Variants in PRKG1 observed in about 807,000 individuals in gnomAD.
PRKG1 encodes the protein cGMP-dependent protein kinase 1.
PRKG1 carries 35 observed loss-of-function variants against 88.1 expected under a neutral mutation model. That is an observed-to-expected ratio of 0.40 (90% CI 0.30 to 0.53). PRKG1 has a LOEUF of 0.53. Among genes scored for constraint, PRKG1 ranks in the 20% least tolerant of loss-of-function variants. The probability of loss-of-function intolerance (pLI) is 0.59; values close to 1 mark genes in which losing one functional copy is unlikely to be tolerated. For missense variants in PRKG1, 540 were observed against 839.8 expected (o/e 0.64, Z 4.41); for synonymous variants, 303 against 292.5 (o/e 1.04, Z -0.37).
chr10:51,503,686 C>G (rs1480952889), intron 3 of PRKG1, among the ~76,000 whole-genome samples: 1 of 151,398 alleles, frequency 6.6e-6, no homozygotes, highest in East Asian at 1.9e-4. Flanking sequence ...TCCTCTAATT[C>G]TTTAACCTCT....
chr10:51,110,761 G>T (rs1844963159), intron 1 of PRKG1, among the ~76,000 whole-genome samples: 1 of 151,994 alleles, frequency 6.6e-6, no homozygotes, highest in South Asian at 2.1e-4. Context: ...ATTAGGACTA[G>T]CTCATTCTAG....
intron 5 of PRKG1, among the ~76,000 whole-genome samples, chr10:51,934,026 T>C (rs1842751333): frequency 1.3e-5 from 2 of 152,150 alleles, no homozygotes; most frequent in Non-Finnish European, 2.9e-5. Context: ...TATAAATACA[T>C]ACATGTAAAT....
intron 1 of PRKG1, among the ~76,000 whole-genome samples, chr10:51,061,277 T>C (rs2132783501): frequency 1.3e-5 from 2 of 152,254 alleles, no homozygotes; most frequent in Middle Eastern, 6.8e-3. Flanking sequence ...GGAACTCCTC[T>C]TTCTAAAACC....
chr10:52,212,633 G>A (rs1488868927), intron 9 of PRKG1, among the ~76,000 whole-genome samples: 1 of 151,004 alleles, frequency 6.6e-6, no homozygotes, highest in African/African-American at 2.4e-5. Flanking sequence ...GAGAGAGAGA[G>A]AGATTAAAAA....
At chr10:51,101,072 G>A (rs1844669102) in intron 1 of PRKG1, among the ~76,000 whole-genome samples, 1 of 152,132 alleles carries the variant, frequency 6.6e-6, no homozygotes, top group East Asian at 1.9e-4. Flanking sequence ...TTTTTTTCCT[G>A]TTACTGAATA....
chr10:51,474,880 A>AT (rs1339520902), intron 3 of PRKG1, among the ~76,000 whole-genome samples: 2 of 151,890 alleles, frequency 1.3e-5, no homozygotes, highest in Non-Finnish European at 2.9e-5. Flanking sequence ...TGCTTATGAG[A>AT]TGTTCTTTGT....
chr10:51,923,949 C>A (rs1010666239), intron 5 of PRKG1, among the ~76,000 whole-genome samples: 1 of 151,860 alleles, frequency 6.6e-6, no homozygotes, highest in African/African-American at 2.4e-5. Context: ...CCACCTAGGT[C>A]TCTTGAGTAG....
At chr10:51,941,344 C>T (rs1842902287) in intron 5 of PRKG1, among the ~76,000 whole-genome samples, 1 of 151,986 alleles carries the variant, frequency 6.6e-6, no homozygotes, top group Non-Finnish European at 1.5e-5. Flanking sequence ...TGTATCCTCT[C>T]ATGTACAATA....
intron 2 of PRKG1, among the ~76,000 whole-genome samples, chr10:51,213,748 A>G (rs1283521927): frequency 2.0e-5 from 3 of 151,654 alleles, no homozygotes; most frequent in Non-Finnish European, 4.4e-5. Context: ...TGAATATTGC[A>G]TTTTATGAAG....
intron 12 of PRKG1, among the ~76,000 whole-genome samples, chr10:52,275,855 A>C (rs1171762251): frequency 1.3e-5 from 2 of 152,046 alleles, no homozygotes; most frequent in Non-Finnish European, 2.9e-5. Context: ...TTCTTTCAGC[A>C]GTGTTTTGTA....
intron 3 of PRKG1, among the ~76,000 whole-genome samples, chr10:51,504,549 A>C (rs1015108831): frequency 4.6e-5 from 7 of 152,122 alleles, no homozygotes; most frequent in African/African-American, 1.7e-4. Flanking sequence ...TGAATCTATA[A>C]ATTACCTTGG....
intron 3 of PRKG1, among the ~76,000 whole-genome samples, chr10:51,704,459 A>G (rs991761523): frequency 2.0e-5 from 3 of 152,196 alleles, no homozygotes; most frequent in African/African-American, 7.2e-5. Context: ...AAGACAAGAC[A>G]TGCTGCCAGG....
rs138337116 is a variant in PRKG1, at chr10:51,569,299, C to G, written c.592+101463C>G. ...GCAAGTATTGACTGTCAAAGGTTGC[C>G]TGACTAGGACAGCTTCTTAAATATT... On this transcript the variant is annotated intron_variant, in intron 3 of 17. Transcript: ENST00000373980. 7.2e-5 allele frequency among the ~76,000 whole-genome samples: 11 copies of G among 152,034 alleles called. No individual in the cohort carries two copies. In the East Asian group the frequency reaches 2.1e-3, roughly 30 times the overall value.
intron 1 of PRKG1, among the ~76,000 whole-genome samples, chr10:51,113,351 T>A (rs1718033014): frequency 6.6e-6 from 1 of 151,674 alleles, no homozygotes; most frequent in African/African-American, 2.4e-5. Context: ...TCCTTCAGAG[T>A]TTTTCAATTG....
chr10:51,999,260 C>T (rs957762211), intron 5 of PRKG1, among the ~76,000 whole-genome samples: 13 of 152,140 alleles, frequency 8.5e-5, no homozygotes, highest in South Asian at 6.2e-4. Context: ...AAGTTGAGGG[C>T]GTTACATTGT....
At chr10:51,583,926 G>A (rs1432537495) in intron 3 of PRKG1, among the ~76,000 whole-genome samples, 1 of 152,006 alleles carries the variant, frequency 6.6e-6, no homozygotes, top group African/African-American at 2.4e-5. Context: ...AATCAATTCT[G>A]TTGAGCTAAG....
intron 7 of PRKG1, among the ~76,000 whole-genome samples, chr10:52,106,148 G>A (rs960914739): frequency 6.6e-6 from 1 of 152,062 alleles, no homozygotes. Context: ...TTTAAAAATA[G>A]CAATAAAATA....
chr10:51,000,440 G>A (rs182138302), intron 1 of PRKG1, among the ~76,000 whole-genome samples: 2 of 152,268 alleles, frequency 1.3e-5, no homozygotes, highest in Non-Finnish European at 2.9e-5. Context: ...CCTCTGATCT[G>A]AGCTATGGTT....
At chr10:51,540,457 G>A (rs1194510078) in intron 3 of PRKG1, among the ~76,000 whole-genome samples, 2 of 152,098 alleles carry the variant, frequency 1.3e-5, no homozygotes, top group African/African-American at 2.4e-5. Flanking sequence ...ACCAGTGTGT[G>A]ATGACATCGT....
Sources: allele counts gnomAD v4.1 joint callset (sites outside exome capture counted in the v4.1 genomes callset), GRCh38; gene constraint gnomAD v4.1.1; transcripts MANE v1.5; gene names NCBI Gene and HGNC (gene_info 2026-07-23, HGNC 2026-07-21).